Variants in ERBB4 observed in about 807,000 individuals in gnomAD.
ERBB4 encodes receptor tyrosine-protein kinase erbB-4.
Under a neutral mutation model 158.0 loss-of-function variants are expected in ERBB4, and 42 were observed. The ratio of observed to expected loss-of-function variants is 0.27; its 90% CI spans 0.21 to 0.34. The LOEUF is 0.34. Among genes scored for constraint, ERBB4 ranks in the 10% least tolerant of loss-of-function variants. The probability of loss-of-function intolerance (pLI) is 1.00; values close to 1 mark genes in which losing one functional copy is unlikely to be tolerated. For synonymous variants in ERBB4, 583 were observed against 558.7 expected (o/e 1.04, Z -0.61); for missense variants, 1,333 against 1,624.1 (o/e 0.82, Z 3.08).
intron 25 of ERBB4, among the ~76,000 whole-genome samples, chr2:211,419,599 G>C (rs937657511): frequency 2.6e-5 from 4 of 151,984 alleles, no homozygotes; most frequent in African/African-American, 9.7e-5. Flanking sequence ...GCTCCGTACT[G>C]GTCAGTGAAT....
intron 3 of ERBB4, among the ~76,000 whole-genome samples, chr2:211,917,848 C>A (rs574017445): frequency 3.5e-4 from 53 of 152,250 alleles, no homozygotes; most frequent in Non-Finnish European, 1.9e-4. Flanking sequence ...GTGTTTTGAT[C>A]TCACCTGAGT....
rs1415761263 is a variant in ERBB4, at chr2:211,539,223, A to G, written c.2487+22680T>C. 5.7e-4 allele frequency among the ~76,000 whole-genome samples: 86 copies of G among 152,070 alleles called. 1 individual carries two copies. Among genetic ancestry groups the G allele is most frequent in the Non-Finnish European group, 7.4e-5 (5 of 67,912 alleles). On this transcript the variant is annotated intron_variant, in intron 20 of 27. Coordinates refer to ENST00000342788, the MANE Select transcript of ERBB4 (RefSeq NM_005235.3). ...AATAAATTTTCTAAAACACTATTAG[A>G]GTCACCCAAGTTATATTGGTATATT...
intron 3 of ERBB4, among the ~76,000 whole-genome samples, chr2:211,944,197 A>ATATG (rs2080606180): frequency 2.2e-5 from 1 of 44,562 alleles, no homozygotes; most frequent in Non-Finnish European, 4.6e-5. Flanking sequence ...ATATATATAT[A>ATATG]TACTATATAT....
chr2:211,415,430 A>T (rs2063368732), intron 25 of ERBB4, among the ~76,000 whole-genome samples: 1 of 150,088 alleles, frequency 6.7e-6, no homozygotes, highest in African/African-American at 2.5e-5. Flanking sequence ...GAATGTCATT[A>T]TTGAGAATGA....
chr2:211,459,264 C>G (rs1207531144), intron 20 of ERBB4, among the ~76,000 whole-genome samples: 8 of 152,166 alleles, frequency 5.3e-5, no homozygotes. Flanking sequence ...GGACCAACAA[C>G]TAGAAAAATG....
chr2:212,390,586 C>T (rs2090825957), intron 1 of ERBB4, among the ~76,000 whole-genome samples: 2 of 151,616 alleles, frequency 1.3e-5, no homozygotes, highest in African/African-American at 2.4e-5. Flanking sequence ...TATGCTATGT[C>T]CTTCAATATA....
chr2:212,433,410 G>C (rs1196440694), intron 1 of ERBB4, among the ~76,000 whole-genome samples: 1 of 151,740 alleles, frequency 6.6e-6, no homozygotes, highest in Non-Finnish European at 1.5e-5. Context: ...GAAATCATTG[G>C]TTAATTTCAA....
chr2:212,379,823 GT>G (rs1026733389), intron 1 of ERBB4, among the ~76,000 whole-genome samples: 1 of 151,202 alleles, frequency 6.6e-6, no homozygotes, highest in African/African-American at 2.4e-5. Context: ...GTGTGTATGT[GT>G]GTGTGTGTCT....
intron 1 of ERBB4, among the ~76,000 whole-genome samples, chr2:212,240,909 G>A (rs1406436888): frequency 6.6e-6 from 1 of 151,874 alleles, no homozygotes; most frequent in African/African-American, 2.4e-5. Flanking sequence ...TTGTTATAGG[G>A]TCCTCAACCA....
intron 1 of ERBB4, among the ~76,000 whole-genome samples, chr2:212,406,411 G>T (rs1293050917): frequency 6.6e-6 from 1 of 152,142 alleles, no homozygotes; most frequent in Admixed American, 6.6e-5. Context: ...CTCAGTCTGG[G>T]ATGATGAAAT....
intron 19 of ERBB4, among the ~76,000 whole-genome samples, chr2:211,589,823 G>T (rs2068406683): frequency 6.6e-6 from 1 of 152,154 alleles, no homozygotes; most frequent in South Asian, 2.1e-4. Context: ...TTCATTTTAT[G>T]TTTAGCATTA....
At chr2:211,686,185 T>C (rs1450313003) in intron 12 of ERBB4, among the ~76,000 whole-genome samples, 1 of 152,150 alleles carries the variant, frequency 6.6e-6, no homozygotes, top group Non-Finnish European at 1.5e-5. Context: ...TTGTTCCCAA[T>C]CTAGTGCAAA....
At chr2:211,727,689 A>T (rs1242085967) in intron 5 of ERBB4, among the ~76,000 whole-genome samples, 1 of 152,020 alleles carries the variant, frequency 6.6e-6, no homozygotes, top group Non-Finnish European at 1.5e-5. Flanking sequence ...ATCCTTTTCC[A>T]TTGAACATGA....
At chr2:212,189,309 T>A (rs1258261355) in intron 1 of ERBB4, among the ~76,000 whole-genome samples, 1 of 152,136 alleles carries the variant, frequency 6.6e-6, no homozygotes, top group African/African-American at 2.4e-5. Flanking sequence ...ATCAGTTGAG[T>A]GAATGAGGGT....
intron 1 of ERBB4, among the ~76,000 whole-genome samples, chr2:212,391,864 A>G (rs2090884374): frequency 6.7e-6 from 1 of 149,576 alleles, no homozygotes; most frequent in Admixed American, 6.7e-5. Context: ...GTATCTACAT[A>G]TGATTGTCTT....
chr2:211,540,390 A>C (rs915704622), intron 20 of ERBB4, among the ~76,000 whole-genome samples: 3 of 151,906 alleles, frequency 2.0e-5, no homozygotes, highest in African/African-American at 7.2e-5. Context: ...AATGCAATCG[A>C]ATAAACTAAA....
intron 20 of ERBB4, among the ~76,000 whole-genome samples, chr2:211,509,806 A>C (rs182273722): frequency 6.6e-6 from 1 of 152,296 alleles, no homozygotes; most frequent in East Asian, 1.9e-4. Flanking sequence ...TTTGCTTGAA[A>C]GAAGACATAC....
At position 211,904,633 on chromosome 2, in the gene ERBB4, C is replaced by G. The variant is rs536211498; in HGVS notation, c.421+42797G>C. Reference sequence around the variant, plus strand: ...TAATTATTACATTATTACTATCCCACAGTTGATTAATAGTTTCAGTGAAGA... The same window carrying G: ...TAATTATTACATTATTACTATCCCAGAGTTGATTAATAGTTTCAGTGAAGA... On this transcript the variant is annotated intron_variant, in intron 3 of 27. Transcript: ENST00000342788. 2.0e-5 allele frequency among the ~76,000 whole-genome samples: 3 copies of G among 152,200 alleles called. No individual in the cohort carries two copies. The East Asian group carries it at 5.8e-4, about 29-fold the overall frequency.
At chr2:211,410,777 G>T (rs10176936) in intron 25 of ERBB4, among the ~76,000 whole-genome samples, 4,786 of 152,108 alleles carry the variant, frequency 0.031, 235 homozygotes, top group African/African-American at 0.11. Flanking sequence ...ATTCAGAGCT[G>T]GTACTATAGA....
Sources: gnomAD v4.1 joint callset for allele counts (sites outside exome capture counted in the v4.1 genomes callset) on GRCh38, gnomAD v4.1.1 for gene constraint, MANE v1.5 for transcripts, NCBI Gene and HGNC (gene_info 2026-07-23, HGNC 2026-07-21) for gene names.